Variants in IQSEC3 observed in about 807,000 individuals in gnomAD.
IQSEC3 encodes the protein IQ motif and SEC7 domain-containing protein 3.
Under a neutral mutation model 105.4 loss-of-function variants are expected in IQSEC3, and 50 were observed. That is an observed-to-expected ratio of 0.47 (90% CI 0.38 to 0.60). IQSEC3 has a LOEUF of 0.60. Among genes scored for constraint, IQSEC3 ranks in the 20% least tolerant of loss-of-function variants. The pLI, the probability that IQSEC3 is intolerant of heterozygous loss-of-function variation, is 0.00. For missense variants in IQSEC3, 1,415 were observed against 1,630.0 expected (o/e 0.87, Z 2.27); for synonymous variants, 708 against 746.0 (o/e 0.95, Z 0.83).
chr12:138,451 G>T lies in IQSEC3; in HGVS notation c.1088G>T (p.Ser363Ile). 6.2e-7 allele frequency: 1 copy of T among 1,603,628 alleles called. No homozygotes were observed. The highest frequency in any genetic ancestry group is 8.5e-7 in the Non-Finnish European group (1 of 1,178,984). ...LRKVRSPTAE[S>I]LAAEKALMEG... The stretch of plus-strand genomic sequence containing the variant: ...AAGGTGCGGTCACCCACGGCCGAGA[G>T]CCTGGCGGCCGAGAAAGCGCTCATG... The change falls in exon 4 of 14, where the codon AGC (serine) becomes ATC (isoleucine). Residue 363 changes from serine to isoleucine, a missense_variant. Ser to Ile is a moderately radical substitution (Grantham distance 142, BLOSUM62 -2). Coordinates refer to ENST00000538872, the MANE Select transcript of IQSEC3 (RefSeq NM_001170738.2). This position sits in a 1 kb window ranked among gnomAD's most constrained non-coding sequence, Gnocchi z 7.1.
chr12:133,784 G>T (rs1160042931), intron 3 of IQSEC3, among the ~76,000 whole-genome samples: 1 of 151,746 alleles, frequency 6.6e-6, no homozygotes, highest in Admixed American at 6.6e-5. Flanking sequence ...ACAGGCTAGG[G>T]CAGGGTTGGG....
At chr12:160,042 T>A (rs1555095687) in intron 7 of IQSEC3, among the ~76,000 whole-genome samples, 1 of 152,156 alleles carries the variant, frequency 6.6e-6, no homozygotes, top group African/African-American at 2.4e-5. Flanking sequence ...CCTCTCAATG[T>A]TCCTCTTTTA....
intron 12 of IQSEC3, 23 bp from the exon 13 acceptor site, chr12:171,089 C>G: frequency 6.2e-7 from 1 of 1,613,060 alleles, no homozygotes; most frequent in Non-Finnish European, 8.5e-7. Flanking sequence ...GGAGAATGAG[C>G]CCTGTGCTCT....
intron 3 of IQSEC3, among the ~76,000 whole-genome samples, chr12:130,589 C>A (rs1865554238): frequency 6.6e-6 from 1 of 152,190 alleles, no homozygotes. Flanking sequence ...GCTCCTGGGG[C>A]AGCCCCACTG....
chr12:149,214 C>T (rs1222750196), intron 5 of IQSEC3: 2 of 152,258 alleles, frequency 1.3e-5, no homozygotes, highest in Non-Finnish European at 2.9e-5. Context: ...TCCACGCGCC[C>T]GTCAGCAGCA....
intron 1 of IQSEC3, among the ~76,000 whole-genome samples, chr12:73,588 T>C (rs556542498): frequency 6.6e-6 from 1 of 152,112 alleles, no homozygotes; most frequent in African/African-American, 2.4e-5. Flanking sequence ...GAGAATCACT[T>C]GAATCTAGGA....
rs1431695097 is a variant in IQSEC3 at position 138,500 on chromosome 12, G to A, written c.1137G>A (p.Leu379=). The A allele has an allele frequency of 1.3e-6, 2 of 1,585,598 alleles. No individual in the cohort carries two copies. The highest frequency in any genetic ancestry group is 1.3e-5 in the African/African-American group (1 of 74,464). ...TGGAGGGCTACGGCCTCGTGGGGCT[G>A]CCGCTGGTGCGCTCGCCCTCCCTGC... The part of the protein sequence containing the change: ...ALMEGYGLVG[L]PLVRSPSLPP... Residue 379 remains leucine, a synonymous_variant, in exon 4 of 14, where the codon CTG becomes CTA. Coordinates refer to ENST00000538872, the MANE Select transcript of IQSEC3 (RefSeq NM_001170738.2). This position sits in a 1 kb window ranked among gnomAD's most constrained non-coding sequence, Gnocchi z 7.1.
At position 175,190 on chromosome 12, in the gene IQSEC3, T is replaced by C. The variant is rs2137078061; in HGVS notation, c.*157T>C. The C allele has an allele frequency of 1.6e-6, 1 of 622,324 alleles. No individual in the cohort carries two copies. Among genetic ancestry groups the C allele is most frequent in the East Asian group, 2.8e-5 (1 of 35,414 alleles). 38.6% of individuals were successfully genotyped at this position (622,324 alleles called of 1,614,324 possible). A position where few individuals can be genotyped will look rare whatever the true frequency, so the allele number is the denominator to read the frequency against. ...CCAATCCCTGGCACCTGGGTTTGCC[T>C]CATCCAACCATCCTTCCCTTTCTCA... On this transcript the variant is annotated 3_prime_UTR_variant, in exon 14 of 14. Coordinates refer to ENST00000538872, the MANE Select transcript of IQSEC3 (RefSeq NM_001170738.2).
intron 5 of IQSEC3, among the ~76,000 whole-genome samples, chr12:154,670 C>T (rs987579360): frequency 6.6e-6 from 1 of 152,268 alleles, no homozygotes; most frequent in Non-Finnish European, 1.5e-5. Context: ...CCACAGTCCG[C>T]GGTGCACTTC....
At chr12:102,852 G>A (rs905072156) in intron 2 of IQSEC3, among the ~76,000 whole-genome samples, 3 of 152,216 alleles carry the variant, frequency 2.0e-5, no homozygotes, top group African/African-American at 4.8e-5. Flanking sequence ...TACGGGGCTG[G>A]CAAAGCCCTG....
intron 11 of IQSEC3, among the ~76,000 whole-genome samples, chr12:168,181 A>C (rs1555099064): frequency 6.6e-6 from 1 of 152,232 alleles, no homozygotes; most frequent in East Asian, 1.9e-4. Flanking sequence ...AATCATGTCA[A>C]ATCTCCAAGG....
chr12:164,026 G>A (rs1215759341), intron 9 of IQSEC3, among the ~76,000 whole-genome samples: 1 of 152,142 alleles, frequency 6.6e-6, no homozygotes, highest in Non-Finnish European at 1.5e-5. Context: ...CGAGGCTGGT[G>A]TGTGTGTGTG....
In IQSEC3 at chr12:176,139, A is replaced by T. The variant is rs1416278780; in HGVS notation, c.*1106A>T. 1.3e-5 allele frequency: 2 copies of T among 150,366 alleles called. No individual in the cohort carries two copies. The highest frequency in any genetic ancestry group is 3.9e-4 in the East Asian group (2 of 5,148). The allele number at this position is 150,366 out of a possible 1,614,324, so 9.3% of individuals were successfully genotyped here. ...GCCTTTAAATATTCCCTCCTCCTAG[A>T]AGGTTCTAGACCCCCCCCTTCCAGC... On this transcript the variant is annotated 3_prime_UTR_variant, in exon 14 of 14. Transcript: ENST00000538872. This position sits in a 1 kb window ranked among gnomAD's most constrained non-coding sequence, Gnocchi z 4.0.
rs1233117385 is a variant in IQSEC3, at chr12:131,786, A to AGGGGACAGTGCAGGTTG, written c.903+5879_903+5895dup. ...GCATTGAGGGTGGGGAGGAAGGTGT[A>AGGGGACAGTGCAGGTTG]GGGGACAGTGCAGGTTGGGGGCCTG... is the stretch of plus-strand genomic sequence containing the variant. On this transcript the variant is annotated intron_variant, in intron 3 of 13. Transcript: ENST00000538872. Among the ~76,000 whole-genome samples, 12 of 152,104 alleles carry AGGGGACAGTGCAGGTTG rather than the reference A, an allele frequency of 7.9e-5. 1 individual carries two copies. Among genetic ancestry groups the AGGGGACAGTGCAGGTTG allele is most frequent in the African/African-American group, 2.9e-4 (12 of 41,522 alleles).
chr12:83,265 C>T (rs1033137905), intron 1 of IQSEC3, among the ~76,000 whole-genome samples: 7 of 152,146 alleles, frequency 4.6e-5, no homozygotes, highest in Non-Finnish European at 1.0e-4. Context: ...ATTTGTTGAG[C>T]ACCTACGGCA....
intron 1 of IQSEC3, among the ~76,000 whole-genome samples, chr12:86,169 T>C (rs12425997): frequency 0.56 from 85,124 of 151,864 alleles, 24,821 homozygotes; most frequent in African/African-American, 0.67. Context: ...GCTGAAGGAG[T>C]TCAGAGGTGG....
chr12:125,883 G>A lies in IQSEC3; in HGVS notation c.874G>A (p.Glu292Lys), dbSNP rs1415185889. 34 of 1,533,654 alleles carry A rather than the reference G, an allele frequency of 2.2e-5. No homozygotes were observed. The highest frequency in any genetic ancestry group is 3.9e-5 in the Admixed American group (2 of 50,978). Residue 292 changes from glutamate (E) to lysine (K), a missense_variant, in exon 3 of 14, where the codon GAA (glutamate) becomes AAA (lysine). By Grantham distance (56) the Glu-to-Lys change is moderately conservative. This residue lies in a region of IQSEC3 where 720 missense variants were observed against 633.0 expected (regional missense o/e 1.14). Transcript: ENST00000538872. ...CCACGCCCCTGCCGCCTCCGATTAC[G>A]AACTCTCCCTTGACCTAAAGAATAA... The part of the protein sequence containing the change: ...CPHAPAASDY[E>K]LSLDLKNKQI...
chr12:140,948 C>T lies in IQSEC3; in HGVS notation c.1992-176C>T, dbSNP rs535515855. 7 of 609,504 alleles carry T rather than the reference C, an allele frequency of 1.1e-5. No homozygotes were observed. In the East Asian group the frequency reaches 2.0e-4, roughly 17 times the overall value. 37.8% of individuals were successfully genotyped at this position (609,504 alleles called of 1,614,324 possible). A position where few individuals can be genotyped will look rare whatever the true frequency, so the allele number is the denominator to read the frequency against. ...ATCTCCCCTGTCCTCCTTCTGGTCA[C>T]ACACCATCCTCTGCGTGAGGACATT... On this transcript the variant is annotated intron_variant, in intron 4 of 13. Coordinates refer to ENST00000538872, the MANE Select transcript of IQSEC3 (RefSeq NM_001170738.2).
intron 1 of IQSEC3, among the ~76,000 whole-genome samples, chr12:98,098 GC>G (rs1294815112): frequency 6.6e-6 from 1 of 152,244 alleles, no homozygotes; most frequent in Non-Finnish European, 1.5e-5. Context: ...ATCTCTGGGG[GC>G]CCTTCCAGGT....
Sources: allele counts gnomAD v4.1 joint callset (sites outside exome capture counted in the v4.1 genomes callset), GRCh38; gene constraint gnomAD v4.1.1; regional missense constraint gnomAD v4.1.1; non-coding constraint Gnocchi (gnomAD v3.1); transcripts MANE v1.5; gene names NCBI Gene and HGNC (gene_info 2026-07-23, HGNC 2026-07-21).